Variants in VPS50 observed in about 807,000 individuals in gnomAD.
VPS50 encodes the protein VPS50 subunit of EARP/GARPII complex, also known as syndetin.
In VPS50, 70 loss-of-function variants were observed where a neutral mutation model predicts 139.7. That is an observed-to-expected ratio of 0.50 (90% CI 0.41 to 0.61). VPS50 has a LOEUF of 0.61. VPS50 is among the 20% of genes least tolerant of loss of function. VPS50 has a pLI of 0.00. For synonymous variants in VPS50, 365 were observed against 376.7 expected (o/e 0.97, Z 0.36); for missense variants, 921 against 1,133.7 (o/e 0.81, Z 2.69).
intron 23 of VPS50, among the ~76,000 whole-genome samples, 199 bp from the exon 24 acceptor site, chr7:93,348,512 G>T (rs1175404787): frequency 6.6e-6 from 1 of 152,090 alleles, no homozygotes; most frequent in Non-Finnish European, 1.5e-5. Flanking sequence ...CTTCCATTCA[G>T]TCATAAACTC....
intron 1 of VPS50, among the ~76,000 whole-genome samples, chr7:93,239,412 TAATC>T (rs1794914083): frequency 1.3e-5 from 2 of 152,294 alleles, no homozygotes; most frequent in East Asian, 1.9e-4. Context: ...TGGTGGGAAA[TAATC>T]AAGTAAAATG....
chr7:93,315,313 C>T (rs1797393355), intron 20 of VPS50, among the ~76,000 whole-genome samples: 1 of 152,102 alleles, frequency 6.6e-6, no homozygotes, highest in African/African-American at 2.4e-5. Context: ...TACTTTTCAA[C>T]ATATAGGTTA....
chr7:93,268,142 GTGTC>G (rs1795896396), intron 9 of VPS50, among the ~76,000 whole-genome samples: 1 of 152,158 alleles, frequency 6.6e-6, no homozygotes, highest in South Asian at 2.1e-4. Flanking sequence ...TGACAACACT[GTGTC>G]TGCCAAATCA....
intron 21 of VPS50, among the ~76,000 whole-genome samples, chr7:93,333,080 C>A (rs1347178282): frequency 6.6e-6 from 1 of 151,752 alleles, no homozygotes; most frequent in Non-Finnish European, 1.5e-5. Context: ...CTTAAAAGGA[C>A]TGAATGTAAT....
Position 93,357,975 on chromosome 7 carries a change from G to A in VPS50, c.2776-342G>A, listed in dbSNP as rs149405003. ...CATTTAAAAAATTTGAAATGTCAGT[G>A]TATTTTGATGACTCAATAACAAAGA... On this transcript the variant is annotated intron_variant, in intron 27 of 27. Transcript: ENST00000305866. Among the ~76,000 whole-genome samples the A allele has an allele frequency of 8.3e-4, 127 of 152,186 alleles. 4 individuals carry two copies. In the East Asian group the frequency reaches 0.023, roughly 27 times the overall value.
At chr7:93,280,011 G>T (rs1353112045) in intron 12 of VPS50, among the ~76,000 whole-genome samples, 1 of 151,850 alleles carries the variant, frequency 6.6e-6, no homozygotes, top group East Asian at 1.9e-4. Context: ...AAAACCTCTT[G>T]GAAATCTGAG....
In VPS50 at chr7:93,257,423, A is replaced by G. The variant is rs1295140356; in HGVS notation, c.381A>G (p.Thr127=). 1.2e-6 allele frequency: 2 copies of G among 1,604,324 alleles called. No individual in the cohort carries two copies. Among genetic ancestry groups the G allele is most frequent in the Non-Finnish European group, 1.7e-6 (2 of 1,172,272 alleles). ...TTGAAAGAGTTACCTCATTGCAGAC[A>G]GGTCTTCAATTAGCTGCTGTTATCT... is the stretch of plus-strand genomic sequence containing the variant. ...KELERVTSLQ[T]GLQLAAVICT... Residue 127 remains threonine, a synonymous_variant, in exon 6 of 28, where the codon ACA becomes ACG. Coordinates refer to ENST00000305866, the MANE Select transcript of VPS50 (RefSeq NM_017667.4).
At chr7:93,301,045 C>T (rs1004390596) in intron 16 of VPS50, among the ~76,000 whole-genome samples, 4 of 151,888 alleles carry the variant, frequency 2.6e-5, no homozygotes, top group African/African-American at 4.8e-5. Context: ...GCCTATAATC[C>T]CAGCACTTTG....
chr7:93,244,819 A>G (rs1380642943), intron 2 of VPS50, among the ~76,000 whole-genome samples: 1 of 151,792 alleles, frequency 6.6e-6, no homozygotes, highest in African/African-American at 2.4e-5. Flanking sequence ...GGATCTGCAA[A>G]ATCATTTAAG....
intron 16 of VPS50, among the ~76,000 whole-genome samples, chr7:93,301,098 C>A (rs1211499227): frequency 6.6e-6 from 1 of 151,954 alleles, no homozygotes. Context: ...AGTTCAAGAC[C>A]AGCCTGGCCA....
intron 16 of VPS50, among the ~76,000 whole-genome samples, chr7:93,302,814 G>C (rs1458550139): frequency 1.3e-5 from 2 of 152,016 alleles, no homozygotes; most frequent in African/African-American, 4.8e-5. Context: ...GTTTTTCTGG[G>C]ACTGCCTATA....
chr7:93,271,170 CTTAG>C (rs1347702766), intron 9 of VPS50, 46 bp from the exon 10 acceptor site: 2 of 1,538,786 alleles, frequency 1.3e-6, no homozygotes, highest in South Asian at 1.3e-5. Context: ...TTATTTAGCA[CTTAG>C]TTTGTCTCAG....
chr7:93,263,917 AAAT>A (rs1481434967), intron 9 of VPS50, among the ~76,000 whole-genome samples: 1 of 152,188 alleles, frequency 6.6e-6, no homozygotes, highest in Non-Finnish European at 1.5e-5. Flanking sequence ...TAAAAATAAA[AAAT>A]AATACAATAT....
intron 16 of VPS50, among the ~76,000 whole-genome samples, chr7:93,302,992 G>T (rs1797021106): frequency 1.3e-5 from 2 of 152,112 alleles, no homozygotes; most frequent in South Asian, 4.1e-4. Flanking sequence ...AACATTTTCA[G>T]AAAGTGATAA....
chr7:93,236,021 A>G (rs1331850989), intron 1 of VPS50, among the ~76,000 whole-genome samples: 2 of 152,218 alleles, frequency 1.3e-5, no homozygotes, highest in Admixed American at 1.3e-4. Flanking sequence ...TTGTGAGGTA[A>G]GAAGTCTTTA....
At chr7:93,319,967 TTTAA>T (rs1170261999) in intron 20 of VPS50, among the ~76,000 whole-genome samples, 2 of 152,072 alleles carry the variant, frequency 1.3e-5, no homozygotes, top group South Asian at 2.1e-4. Context: ...TACTGAGAAA[TTTAA>T]TTATTATATT....
At chr7:93,341,655 A>G in intron 23 of VPS50, 80 bp downstream of exon 23, 1 of 877,830 alleles carries the variant, frequency 1.1e-6, no homozygotes, top group Non-Finnish European at 1.8e-6. Context: ...TTAGACTTCT[A>G]GTTAGCTGCA....
At chr7:93,280,897 GTA>G (rs375450517) in intron 12 of VPS50, among the ~76,000 whole-genome samples, 8 of 150,126 alleles carry the variant, frequency 5.3e-5, no homozygotes, top group African/African-American at 7.3e-5. Flanking sequence ...TACTCTCTCT[GTA>G]TATATATATA....
chr7:93,346,378 TAATGAAAATGGCCATACTGCC>T (rs1274254654), intron 23 of VPS50, among the ~76,000 whole-genome samples: 1 of 152,136 alleles, frequency 6.6e-6, no homozygotes, highest in African/African-American at 2.4e-5. Context: ...AGAATCAATA[TAATGAAAATGGCCATACTGCC>T]CAAGGTAATT....
Sources: allele counts gnomAD v4.1 joint callset (sites outside exome capture counted in the v4.1 genomes callset), GRCh38; gene constraint gnomAD v4.1.1; transcripts MANE v1.5; gene names NCBI Gene and HGNC (gene_info 2026-07-23, HGNC 2026-07-21).